Variants in SPSB1 observed in about 807,000 individuals in gnomAD.
SPSB1 encodes SPRY domain-containing SOCS box protein 1.
In SPSB1, 8 loss-of-function variants were observed where a neutral mutation model predicts 21.2. The observed-to-expected ratio is 0.38, with a 90% CI of 0.22 to 0.68. The LOEUF is 0.68. Ranked by LOEUF, SPSB1 falls within the 30% of genes least tolerant of loss-of-function variation. The probability of loss-of-function intolerance (pLI) is 0.53; values close to 1 mark genes in which losing one functional copy is unlikely to be tolerated. For missense variants in SPSB1, 242 were observed against 377.8 expected (o/e 0.64, Z 2.98); for synonymous variants, 169 against 161.7 (o/e 1.05, Z -0.34).
rs1357393263 is a variant in SPSB1 at position 9,321,649 on chromosome 1, A to C, written c.-150+28578A>C. Among the ~76,000 whole-genome samples the C allele has an allele frequency of 6.6e-6, 1 of 151,728 alleles. No homozygotes were observed. The highest frequency in any genetic ancestry group is 1.5e-5 in the Non-Finnish European group (1 of 67,928). ...CTGAGACCCGTCGACCGTGAGCTTC[A>C]CCTTTAAATAAAAAAAAAAATGCTG... On this transcript the variant is annotated intron_variant, in intron 1 of 2. Coordinates refer to ENST00000328089, the MANE Select transcript of SPSB1 (RefSeq NM_025106.4). This position sits in a 1 kb window ranked among gnomAD's most constrained non-coding sequence, Gnocchi z 4.8.
chr1:9,341,869 A>G (rs1175792635), intron 1 of SPSB1, among the ~76,000 whole-genome samples: 2 of 151,964 alleles, frequency 1.3e-5, no homozygotes, highest in African/African-American at 4.8e-5. Context: ...CGCCCAGCTA[A>G]TTTTGTATTT....
chr1:9,336,706 T>A (rs1640010926), intron 1 of SPSB1, among the ~76,000 whole-genome samples: 1 of 152,144 alleles, frequency 6.6e-6, no homozygotes, highest in Non-Finnish European at 1.5e-5. Flanking sequence ...CTCGGGCAGG[T>A]CCCTCACTCT....
At chr1:9,362,267 C>T (rs1449347174) in intron 2 of SPSB1, among the ~76,000 whole-genome samples, 1 of 148,632 alleles carries the variant, frequency 6.7e-6, no homozygotes, top group African/African-American at 2.5e-5. Context: ...AAGTTCTGGT[C>T]ATATGAGGAC....
rs148477262 is a variant in SPSB1 at position 9,363,764 on chromosome 1, A to G, written c.695-3684A>G. ...ACCCAGGCTGTAGTGCAGTGGCGCA[A>G]TCTCAGCTCACTGCAAACCTCTGCC... On this transcript the variant is annotated intron_variant, in intron 2 of 2. Coordinates refer to ENST00000328089, the MANE Select transcript of SPSB1 (RefSeq NM_025106.4). This position sits in a 1 kb window ranked among gnomAD's most constrained non-coding sequence, Gnocchi z 4.5. Among the ~76,000 whole-genome samples the G allele has an allele frequency of 7.4e-3, 1,133 of 152,120 alleles. 13 individuals carry two copies. Among genetic ancestry groups the G allele is most frequent in the African/African-American group, 0.026 (1,093 of 41,492 alleles).
rs991600776 is a variant in SPSB1 at position 9,367,599 on chromosome 1, C to T, written c.*24C>T. 4 of 1,576,092 alleles carry T rather than the reference C, an allele frequency of 2.5e-6. No individual in the cohort carries two copies. The highest frequency in any genetic ancestry group is 2.3e-5 in the South Asian group (2 of 87,936). ...GACGTTCGCCATCATACCGCCAGCGCGACAGCCACCTGGTGCCAACTCACT... is the reference window on the plus strand; with the variant it reads ...GACGTTCGCCATCATACCGCCAGCGTGACAGCCACCTGGTGCCAACTCACT... On this transcript the variant is annotated 3_prime_UTR_variant, in exon 3 of 3. Transcript: ENST00000328089. This position sits in a 1 kb window ranked among gnomAD's most constrained non-coding sequence, Gnocchi z 5.9.
At chr1:9,364,847 C>CGTTGTT (rs918753192) in intron 2 of SPSB1, among the ~76,000 whole-genome samples, 2 of 129,376 alleles carry the variant, frequency 1.5e-5, no homozygotes, top group African/African-American at 5.5e-5. Context: ...TTGTTGTTGT[C>CGTTGTT]GTTGTTGTTG....
chr1:9,357,541 T>C (rs1640393640), intron 2 of SPSB1, among the ~76,000 whole-genome samples: 1 of 152,198 alleles, frequency 6.6e-6, no homozygotes, highest in Non-Finnish European at 1.5e-5. Flanking sequence ...CCTCTCTCAC[T>C]CATTAGACAG....
chr1:9,353,068 C>G (rs1373109489), intron 1 of SPSB1, among the ~76,000 whole-genome samples: 1 of 152,080 alleles, frequency 6.6e-6, no homozygotes, highest in African/African-American at 2.4e-5. Context: ...CCACAGGACC[C>G]TGCAAAATTG....
intron 1 of SPSB1, among the ~76,000 whole-genome samples, chr1:9,306,227 C>G (rs568443919): frequency 6.6e-6 from 1 of 152,184 alleles, no homozygotes; most frequent in Non-Finnish European, 1.5e-5. Flanking sequence ...TCGGGTGTGC[C>G]GAGGGATGGC....
At chr1:9,354,955 A>G (rs910835584) in intron 1 of SPSB1, among the ~76,000 whole-genome samples, 3 of 152,132 alleles carry the variant, frequency 2.0e-5, no homozygotes, top group African/African-American at 4.8e-5. Flanking sequence ...CTAGCATCGG[A>G]CTTTCCTCCC....
intron 1 of SPSB1, among the ~76,000 whole-genome samples, chr1:9,337,155 T>C (rs1640016895): frequency 6.6e-6 from 1 of 152,156 alleles, no homozygotes; most frequent in Admixed American, 6.5e-5. Flanking sequence ...GGGTGCTTTC[T>C]GGTCGTTTCC....
Position 9,321,227 on chromosome 1 carries a change from A to T in SPSB1, c.-150+28156A>T, listed in dbSNP as rs1639717779. On this transcript the variant is annotated intron_variant, in intron 1 of 2. Coordinates refer to ENST00000328089, the MANE Select transcript of SPSB1 (RefSeq NM_025106.4). This position sits in a 1 kb window ranked among gnomAD's most constrained non-coding sequence, Gnocchi z 4.8. ...GCGTCTCAGGCGGTGGGCCTTAAAC[A>T]TTTACATTCTTGGGGCTTAGCTGAC... Among the ~76,000 whole-genome samples the T allele has an allele frequency of 6.6e-6, 1 of 151,956 alleles. No homozygotes were observed. Among genetic ancestry groups the T allele is most frequent in the South Asian group, 2.1e-4 (1 of 4,820 alleles).
chr1:9,314,857 G>A (rs1639583863), intron 1 of SPSB1, among the ~76,000 whole-genome samples: 2 of 152,198 alleles, frequency 1.3e-5, no homozygotes, highest in Non-Finnish European at 2.9e-5. Flanking sequence ...AAATGAGGGA[G>A]GCAGCCAGTG....
rs1272026942 is a variant in SPSB1, at chr1:9,356,537, G to A, written c.646G>A (p.Val216Ile). The change falls in exon 2 of 3, where the codon GTC becomes ATC. Residue 216 changes from valine to isoleucine, a missense_variant. Coordinates refer to ENST00000328089, the MANE Select transcript of SPSB1 (RefSeq NM_025106.4). This position sits in a 1 kb window ranked among gnomAD's most constrained non-coding sequence, Gnocchi z 7.4. ...GKKLYPVVSA[V>I]WGHCEIRMRY... is the part of the protein sequence containing the mutation. ...AAAACTGTATCCTGTAGTGAGTGCC[G>A]TCTGGGGCCACTGTGAGATCCGAAT... The A allele has an allele frequency of 2.5e-6, 4 of 1,605,170 alleles. No homozygotes were observed. Among genetic ancestry groups the A allele is most frequent in the South Asian group, 1.1e-5 (1 of 90,838 alleles).
chr1:9,329,357 C>G (rs1268876687), intron 1 of SPSB1, among the ~76,000 whole-genome samples: 1 of 151,918 alleles, frequency 6.6e-6, no homozygotes, highest in Non-Finnish European at 1.5e-5. Flanking sequence ...AACTTCATGC[C>G]AAGGGCTGGA....
chr1:9,347,577 G>T (rs1216148400), intron 1 of SPSB1, among the ~76,000 whole-genome samples: 1 of 152,196 alleles, frequency 6.6e-6, no homozygotes, highest in Non-Finnish European at 1.5e-5. Context: ...TTCAGAAACG[G>T]CATCATGATC....
rs74634905 is a variant in SPSB1, at chr1:9,363,196, A to G, written c.695-4252A>G. On this transcript the variant is annotated intron_variant, in intron 2 of 2. Transcript: ENST00000328089. This position sits in a 1 kb window ranked among gnomAD's most constrained non-coding sequence, Gnocchi z 4.5. ...TTGGAAAGCAGTTAGACCGGGCCCT[A>G]TGCGCCATCAGTTTCCTCCTGCAAG... Among the ~76,000 whole-genome samples, 2,548 of 152,256 alleles carry G rather than the reference A, an allele frequency of 0.017. 67 individuals carry two copies. Among genetic ancestry groups the G allele is most frequent in the African/African-American group, 0.058 (2,414 of 41,546 alleles).
At position 9,293,109 on chromosome 1, in the gene SPSB1, G is replaced by A; in HGVS notation, c.-150+38G>A. The A allele has an allele frequency of 1.0e-6, 1 of 977,588 alleles. No individual in the cohort carries two copies. Among genetic ancestry groups the A allele is most frequent in the African/African-American group, 1.8e-5 (1 of 56,670 alleles). 60.6% of individuals were successfully genotyped at this position (977,588 alleles called of 1,614,324 possible). A position where few individuals can be genotyped will look rare whatever the true frequency, so the allele number is the denominator to read the frequency against. On this transcript the variant is annotated intron_variant, in intron 1 of 2. Coordinates refer to ENST00000328089, the MANE Select transcript of SPSB1 (RefSeq NM_025106.4). The surrounding 1 kb of genome is among the most constrained non-coding windows in gnomAD (Gnocchi z 5.1). ...GGGCACCTGGGACCCCGATGGGTGG[G>A]CGACCGGCCCGGGAGGGGGAGGCGC...
At position 9,292,915 on chromosome 1, in the gene SPSB1, A is replaced by T; in HGVS notation, c.-306A>T. 1.0e-6 allele frequency: 1 copy of T among 978,356 alleles called. No individual in the cohort carries two copies. The highest frequency in any genetic ancestry group is 1.2e-6 in the Non-Finnish European group (1 of 828,092). The allele number at this position is 978,356 out of a possible 1,614,324, so 60.6% of individuals were successfully genotyped here. On this transcript the variant is annotated 5_prime_UTR_variant, in exon 1 of 3. Transcript: ENST00000328089. ...CTCCGCACAGAAGTCGCGCTCGGGC[A>T]GCCTGCGCGCTCGCAGCAGGAACCA...
Sources: allele counts gnomAD v4.1 joint callset (sites outside exome capture counted in the v4.1 genomes callset), GRCh38; gene constraint gnomAD v4.1.1; non-coding constraint Gnocchi (gnomAD v3.1); transcripts MANE v1.5; gene names NCBI Gene and HGNC (gene_info 2026-07-23, HGNC 2026-07-21).